The following PPP1R9A variants were observed in gnomAD, a reference collection of about 807,000 sequenced individuals.
PPP1R9A encodes neurabin-1.
Under a neutral mutation model 141.9 loss-of-function variants are expected in PPP1R9A, and 59 were observed. The observed-to-expected ratio is 0.42, with a 90% CI of 0.34 to 0.52. PPP1R9A has a LOEUF of 0.52. Ranked by LOEUF, PPP1R9A falls within the 20% of genes least tolerant of loss-of-function variation. The pLI, the probability that PPP1R9A is intolerant of heterozygous loss-of-function variation, is 0.10. For synonymous variants in PPP1R9A, 500 were observed against 569.7 expected (o/e 0.88, Z 1.74); for missense variants, 1,444 against 1,611.9 (o/e 0.90, Z 1.78).
intron 2 of PPP1R9A, among the ~76,000 whole-genome samples, chr7:95,106,239 T>C (rs1262700784): frequency 6.6e-6 from 1 of 152,242 alleles, no homozygotes; most frequent in African/African-American, 2.4e-5. Context: ...TATTTCATTT[T>C]ATTTTCCTAA....
At chr7:95,130,181 T>C (rs570685062) in intron 4 of PPP1R9A, among the ~76,000 whole-genome samples, 1 of 152,230 alleles carries the variant, frequency 6.6e-6, no homozygotes, top group African/African-American at 2.4e-5. Context: ...TTTCATGGGC[T>C]GGTCCTAGGG....
intron 16 of PPP1R9A, among the ~76,000 whole-genome samples, chr7:95,281,387 T>TG (rs1033145923): frequency 1.7e-4 from 26 of 152,214 alleles, no homozygotes; most frequent in Middle Eastern, 3.4e-3. Context: ...GTCTATTACT[T>TG]GGTGTGCAAA....
intron 2 of PPP1R9A, among the ~76,000 whole-genome samples, chr7:94,978,151 G>A (rs1321955872): frequency 1.3e-5 from 2 of 152,170 alleles, no homozygotes; most frequent in Non-Finnish European, 2.9e-5. Context: ...TGCAAAGCCT[G>A]TGAACGTTGA....
chr7:95,256,673 A>G (rs943735678), intron 12 of PPP1R9A, among the ~76,000 whole-genome samples: 2 of 152,148 alleles, frequency 1.3e-5, no homozygotes, highest in Non-Finnish European at 2.9e-5. Flanking sequence ...AAATTTAAGG[A>G]GTGAAAATAA....
chr7:95,022,967 T>C, intron 2 of PPP1R9A, among the ~76,000 whole-genome samples: 1 of 152,238 alleles, frequency 6.6e-6, no homozygotes, highest in Non-Finnish European at 1.5e-5. Context: ...TGCCAGGTTT[T>C]GGTATCAGGA....
At chr7:95,139,259 G>A (rs1826204587) in intron 4 of PPP1R9A, among the ~76,000 whole-genome samples, 1 of 152,146 alleles carries the variant, frequency 6.6e-6, no homozygotes, top group African/African-American at 2.4e-5. Context: ...GAGAATGAGT[G>A]CAGAGCGAAG....
chr7:95,191,623 C>A (rs939309127), intron 5 of PPP1R9A, among the ~76,000 whole-genome samples: 1 of 151,966 alleles, frequency 6.6e-6, no homozygotes, highest in Non-Finnish European at 1.5e-5. Context: ...AAAAACCATG[C>A]TAAAAACATA....
chr7:95,102,491 A>G (rs1250273084), intron 2 of PPP1R9A, among the ~76,000 whole-genome samples: 2 of 152,180 alleles, frequency 1.3e-5, no homozygotes, highest in Non-Finnish European at 2.9e-5. Context: ...TCTTGCACAT[A>G]AAAGCCTGAG....
intron 2 of PPP1R9A, among the ~76,000 whole-genome samples, chr7:94,921,468 T>C (rs1262591846): frequency 6.6e-6 from 1 of 150,870 alleles, no homozygotes; most frequent in South Asian, 2.1e-4. Context: ...AAAAGATCTG[T>C]TTTTGAGTAG....
intron 12 of PPP1R9A, among the ~76,000 whole-genome samples, chr7:95,256,272 A>G (rs1046680607): frequency 6.6e-6 from 1 of 152,148 alleles, no homozygotes; most frequent in African/African-American, 2.4e-5. Context: ...TAATTAAAAT[A>G]TATATGACTA....
Position 95,048,830 on chromosome 7 carries a change from C to T in PPP1R9A, c.1396-62429C>T, listed in dbSNP as rs147713254. ...AAAGTGCTGGGATTACAGGTGTGAG[C>T]CACCATGCCCGGCCCTATGACAGCT... On this transcript the variant is annotated intron_variant, in intron 2 of 19. Coordinates refer to ENST00000433360, the MANE Select transcript of PPP1R9A (RefSeq NM_001166160.2). Among the ~76,000 whole-genome samples, 413 of 152,162 alleles carry T rather than the reference C, an allele frequency of 2.7e-3. 7 individuals carry two copies. Among genetic ancestry groups the T allele is most frequent in the African/African-American group, 9.2e-3 (381 of 41,522 alleles).
At chr7:95,262,954 A>G (rs935208984) in intron 12 of PPP1R9A, among the ~76,000 whole-genome samples, 1 of 152,108 alleles carries the variant, frequency 6.6e-6, no homozygotes, top group African/African-American at 2.4e-5. Flanking sequence ...CCCATACAAT[A>G]CTAAAATGAA....
At chr7:95,239,932 T>A (rs572385235) in intron 8 of PPP1R9A, among the ~76,000 whole-genome samples, 20 of 152,172 alleles carry the variant, frequency 1.3e-4, no homozygotes, top group East Asian at 1.2e-3. Context: ...TTACATTTTT[T>A]AAAAACTTAT....
chr7:95,216,809 A>G (rs1793515027), intron 7 of PPP1R9A, among the ~76,000 whole-genome samples: 1 of 152,270 alleles, frequency 6.6e-6, no homozygotes, highest in South Asian at 2.1e-4. Context: ...ATTTTTGCAC[A>G]TTGGTTTTGT....
intron 5 of PPP1R9A, among the ~76,000 whole-genome samples, chr7:95,174,160 A>G (rs899007692): frequency 6.6e-6 from 1 of 152,162 alleles, no homozygotes; most frequent in African/African-American, 2.4e-5. Flanking sequence ...ATTATATCCC[A>G]TATAATGAAA....
chr7:95,168,870 A>C (rs545735055), intron 5 of PPP1R9A, among the ~76,000 whole-genome samples: 2 of 152,132 alleles, frequency 1.3e-5, no homozygotes, highest in Non-Finnish European at 2.9e-5. Context: ...CTGTTATTAA[A>C]GAGACAAAAG....
chr7:94,997,229 C>T (rs1467042547), intron 2 of PPP1R9A, among the ~76,000 whole-genome samples: 1 of 151,750 alleles, frequency 6.6e-6, no homozygotes, highest in Non-Finnish European at 1.5e-5. Flanking sequence ...TTTAACATTT[C>T]CATGGTCTAC....
At chr7:95,157,258 T>TCC (rs541431674) in intron 4 of PPP1R9A, among the ~76,000 whole-genome samples, 3 of 151,006 alleles carry the variant, frequency 2.0e-5, no homozygotes, top group South Asian at 2.1e-4. Flanking sequence ...GCTCCCCCTC[T>TCC]CCCCCCCCAG....
intron 2 of PPP1R9A, among the ~76,000 whole-genome samples, chr7:95,077,683 T>C (rs1267007756): frequency 4.6e-5 from 7 of 152,102 alleles, no homozygotes; most frequent in Non-Finnish European, 8.8e-5. Context: ...AAGGGAGGTA[T>C]GTAAGAAATA....
Sources: gnomAD v4.1 joint callset for allele counts (sites outside exome capture counted in the v4.1 genomes callset) on GRCh38, gnomAD v4.1.1 for gene constraint, MANE v1.5 for transcripts, NCBI Gene and HGNC (gene_info 2026-07-23, HGNC 2026-07-21) for gene names.